Variants in STAT1 observed in about 807,000 individuals in gnomAD.
STAT1 encodes signal transducer and activator of transcription 1.
Under a neutral mutation model 111.7 loss-of-function variants are expected in STAT1, and 24 were observed. The observed-to-expected ratio is 0.21, with a 90% CI of 0.16 to 0.30. STAT1 has a LOEUF of 0.30. Ranked by LOEUF, STAT1 falls within the 10% of genes least tolerant of loss-of-function variation. The pLI, the probability that STAT1 is intolerant of heterozygous loss-of-function variation, is 1.00. For synonymous variants in STAT1, 332 were observed against 326.5 expected (o/e 1.02, Z -0.18); for missense variants, 351 against 911.9 (o/e 0.38, Z 7.92).
In STAT1 at chr2:191,004,896, T is replaced by C. The variant is rs554288765; in HGVS notation, c.372+2667A>G. Among the ~76,000 whole-genome samples, 4 of 152,186 alleles carry C rather than the reference T, an allele frequency of 2.6e-5. No individual in the cohort carries two copies. The South Asian group carries it at 8.3e-4, about 32-fold the overall frequency. On this transcript the variant is annotated intron_variant, in intron 5 of 24. Coordinates refer to ENST00000361099, the MANE Select transcript of STAT1 (RefSeq NM_007315.4). This position sits in a 1 kb window ranked among gnomAD's most constrained non-coding sequence, Gnocchi z 5.0. ...ATTCTCCCCATCCCTTCAGACCCTA[T>C]GGACCTAAATTTTTGTCTAGACATG...
chr2:191,010,186 G>A (rs1695014977), intron 2 of STAT1, among the ~76,000 whole-genome samples, 182 bp from the exon 3 acceptor site: 1 of 152,122 alleles, frequency 6.6e-6, no homozygotes. Context: ...TGAGTTTGGG[G>A]ATGAACTTTT....
At position 191,006,656 on chromosome 2, in the gene STAT1, G is replaced by A. The variant is rs1285239494; in HGVS notation, c.372+907C>T. On this transcript the variant is annotated intron_variant, in intron 5 of 24. Transcript: ENST00000361099. The surrounding 1 kb of genome is among the most constrained non-coding windows in gnomAD (Gnocchi z 4.6). ...CTCCTCCAGAACAATCCATAACATG[G>A]TGGCTTCACACTGCCTGCCTGTTGG... is the stretch of plus-strand genomic sequence containing the variant. Among the ~76,000 whole-genome samples the A allele has an allele frequency of 6.6e-6, 1 of 152,178 alleles. No homozygotes were observed. Among genetic ancestry groups the A allele is most frequent in the Non-Finnish European group, 1.5e-5 (1 of 68,032 alleles).
chr2:191,012,433 GAATA>G lies in STAT1; in HGVS notation c.-2+1088_-2+1091del, dbSNP rs1240106187. Among the ~76,000 whole-genome samples the G allele has an allele frequency of 6.6e-6, 1 of 151,070 alleles. No homozygotes were observed. Among genetic ancestry groups the G allele is most frequent in the East Asian group, 2.0e-4 (1 of 5,078 alleles). ...TCTGTCTCTAAAAAAAAAAAACAATGAATAAATAAGCTCATGTTCACAAATCTGG... is the reference window on the plus strand; with the variant it reads ...TCTGTCTCTAAAAAAAAAAAACAATGAATAAGCTCATGTTCACAAATCTGG... On this transcript the variant is annotated intron_variant, in intron 2 of 24. Coordinates refer to ENST00000361099, the MANE Select transcript of STAT1 (RefSeq NM_007315.4). The surrounding 1 kb of genome is among the most constrained non-coding windows in gnomAD (Gnocchi z 4.0).
In STAT1 at chr2:191,004,560, G is replaced by A. The variant is rs1039245888; in HGVS notation, c.372+3003C>T. On this transcript the variant is annotated intron_variant, in intron 5 of 24. Transcript: ENST00000361099. This position sits in a 1 kb window ranked among gnomAD's most constrained non-coding sequence, Gnocchi z 5.0. ...GAAAAGTGACTTCTCCAGTGAACTA[G>A]TTTTAGAGTTGGACAATACTGGGTT... 6.6e-6 allele frequency among the ~76,000 whole-genome samples: 1 copy of A among 152,288 alleles called. No homozygotes were observed. The highest frequency in any genetic ancestry group is 1.5e-5 in the Non-Finnish European group (1 of 68,026).
At position 191,007,980 on chromosome 2, in the gene STAT1, C is replaced by A; in HGVS notation, c.274-319G>T. On this transcript the variant is annotated intron_variant, in intron 4 of 24. Transcript: ENST00000361099. This position sits in a 1 kb window ranked among gnomAD's most constrained non-coding sequence, Gnocchi z 4.2. ...GGCCAATTATCTTTGGTTAGGATCC[C>A]GAGACAATGCAAATGATATAAAAAC... is the stretch of plus-strand genomic sequence containing the variant. 2.1e-6 allele frequency: 1 copy of A among 476,544 alleles called. No individual in the cohort carries two copies. The highest frequency in any genetic ancestry group is 4.1e-6 in the Non-Finnish European group (1 of 241,996). The allele number at this position is 476,544 out of a possible 1,614,324, so 29.5% of individuals were successfully genotyped here. A position where few individuals can be genotyped will look rare whatever the true frequency, so the allele number is the denominator to read the frequency against.
In STAT1 at chr2:190,997,073, G is replaced by A. The variant is rs994451028; in HGVS notation, c.785+783C>T. Among the ~76,000 whole-genome samples, 5 of 152,146 alleles carry A rather than the reference G, an allele frequency of 3.3e-5. No homozygotes were observed. The highest frequency in any genetic ancestry group is 2.0e-4 in the Admixed American group (3 of 15,278). ...CCATCAGGCTCCAGCATCTCCCACC[G>A]GGTCCACTTTCCTTCCCATCTCCCT... is the stretch of plus-strand genomic sequence containing the variant. On this transcript the variant is annotated intron_variant, in intron 9 of 24. Coordinates refer to ENST00000361099, the MANE Select transcript of STAT1 (RefSeq NM_007315.4). The surrounding 1 kb of genome is among the most constrained non-coding windows in gnomAD (Gnocchi z 7.3).
Position 190,982,522 on chromosome 2 carries a change from G to C in STAT1, c.1447-4C>G, listed in dbSNP as rs1331456437. 6.2e-7 allele frequency: 1 copy of C among 1,614,142 alleles called. No homozygotes were observed. Among genetic ancestry groups the C allele is most frequent in the Admixed American group, 1.7e-5 (1 of 60,018 alleles). ...GAGTCAGGAAGAAGGACAGATTCTAGAGAGAAAACACCCAAAATCTAAGGG... is the reference window on the plus strand; with the variant it reads ...GAGTCAGGAAGAAGGACAGATTCTACAGAGAAAACACCCAAAATCTAAGGG... On this transcript the variant is annotated splice_region_variant and splice_polypyrimidine_tract_variant and intron_variant, in intron 17 of 24. Coordinates refer to ENST00000361099, the MANE Select transcript of STAT1 (RefSeq NM_007315.4). The surrounding 1 kb of genome is among the most constrained non-coding windows in gnomAD (Gnocchi z 7.3).
At position 190,979,396 on chromosome 2, in the gene STAT1, T is replaced by C. The variant is rs938665068; in HGVS notation, c.1727+376A>G. 6.6e-6 allele frequency among the ~76,000 whole-genome samples: 1 copy of C among 152,198 alleles called. No homozygotes were observed. Among genetic ancestry groups the C allele is most frequent in the Non-Finnish European group, 1.5e-5 (1 of 68,024 alleles). On this transcript the variant is annotated intron_variant, in intron 20 of 24. Transcript: ENST00000361099. This position sits in a 1 kb window ranked among gnomAD's most constrained non-coding sequence, Gnocchi z 5.8. ...CCTTCTGATCAAGTTAAAGCTTCTG[T>C]TGAAATATCAGCCGATCCTGGCAAT...
Position 190,976,144 on chromosome 2 carries a change from C to T in STAT1, c.2060-257G>A, listed in dbSNP as rs1311966173. Among the ~76,000 whole-genome samples, 1 of 152,214 alleles carries T rather than the reference C, an allele frequency of 6.6e-6. No individual in the cohort carries two copies. Among genetic ancestry groups the T allele is most frequent in the East Asian group, 1.9e-4 (1 of 5,202 alleles). On this transcript the variant is annotated intron_variant, in intron 22 of 24. Transcript: ENST00000361099. This position sits in a 1 kb window ranked among gnomAD's most constrained non-coding sequence, Gnocchi z 6.0. ...ACACTAGCTAGGAGCTTTCTCTTTA[C>T]ACAACTTGAAATCTTACAAGAAGTC... is the stretch of plus-strand genomic sequence containing the variant.
At position 190,981,286 on chromosome 2, in the gene STAT1, T is replaced by C. The variant is rs1470914923; in HGVS notation, c.1583-617A>G. Among the ~76,000 whole-genome samples, 1 of 152,234 alleles carries C rather than the reference T, an allele frequency of 6.6e-6. No individual in the cohort carries two copies. The highest frequency in any genetic ancestry group is 2.4e-5 in the African/African-American group (1 of 41,462). ...ACCCCTAGATCTTCAATGTAACTGA[T>C]ACTTGACTTTACAAGTTTATTTTAG... is the stretch of plus-strand genomic sequence containing the variant. On this transcript the variant is annotated intron_variant, in intron 18 of 24. Transcript: ENST00000361099. This position sits in a 1 kb window ranked among gnomAD's most constrained non-coding sequence, Gnocchi z 4.1.
Position 190,987,039 on chromosome 2 carries a change from C to T in STAT1, c.1127G>A (p.Gly376Glu). The T allele has an allele frequency of 6.2e-7, 1 of 1,610,370 alleles. No homozygotes were observed. Among genetic ancestry groups the T allele is most frequent in the Non-Finnish European group, 8.5e-7 (1 of 1,177,302 alleles). The change falls in exon 13 of 25, where the codon GGA (glycine) becomes GAA (glutamate). Residue 376 changes from glycine to glutamate, a missense_variant and splice_region_variant. By Grantham distance (98) the Gly-to-Glu change is moderately conservative. Coordinates refer to ENST00000361099, the MANE Select transcript of STAT1 (RefSeq NM_007315.4). This position sits in a 1 kb window ranked among gnomAD's most constrained non-coding sequence, Gnocchi z 4.0. ...GTATAGCGTAAAGTACGTCACGTAC[C>T]CTTTTACTGTATTTCTCTCATTCAC... ...KDVNERNTVK[G>E]FRKFNILGTH...
At chr2:191,008,800 TTATGC>T (rs1464855038) in intron 4 of STAT1, among the ~76,000 whole-genome samples, 158 bp downstream of exon 4, 1 of 152,250 alleles carries the variant, frequency 6.6e-6, no homozygotes, top group Non-Finnish European at 1.5e-5. Flanking sequence ...CTTATTTTAC[TTATGC>T]TATATTTACT....
At chr2:191,008,017 T>C (rs552795295) in intron 4 of STAT1, 1 of 461,042 alleles carries the variant, frequency 2.2e-6, no homozygotes, top group South Asian at 1.6e-5. Flanking sequence ...ATACATGACA[T>C]TCCTCAATGA....
Position 191,007,300 on chromosome 2 carries a change from G to C in STAT1, c.372+263C>G, listed in dbSNP as rs1694780863. ...CACTCCCAGCCACTCCATGAATTCA[G>C]CATGTTATCTTCTCAGCACTTTATG... On this transcript the variant is annotated intron_variant, in intron 5 of 24. Transcript: ENST00000361099. The surrounding 1 kb of genome is among the most constrained non-coding windows in gnomAD (Gnocchi z 4.2). Among the ~76,000 whole-genome samples the C allele has an allele frequency of 6.6e-6, 1 of 152,116 alleles. No individual in the cohort carries two copies. Among genetic ancestry groups the C allele is most frequent in the Admixed American group, 6.5e-5 (1 of 15,276 alleles).
chr2:190,970,589 C>T lies in STAT1; in HGVS notation c.*114G>A. On this transcript the variant is annotated 3_prime_UTR_variant, in exon 25 of 25. Coordinates refer to ENST00000361099, the MANE Select transcript of STAT1 (RefSeq NM_007315.4). This position sits in a 1 kb window ranked among gnomAD's most constrained non-coding sequence, Gnocchi z 5.4. Reference sequence around the variant, plus strand: ...CTATCAACAGGTTGCAGCGAATTTGCTGGCCTTTCTTTCATTTCCCTAGAA... The same window carrying T: ...CTATCAACAGGTTGCAGCGAATTTGTTGGCCTTTCTTTCATTTCCCTAGAA... 1 of 1,239,852 alleles carries T rather than the reference C, an allele frequency of 8.1e-7. No individual in the cohort carries two copies. The allele number at this position is 1,239,852 out of a possible 1,614,324, so 76.8% of individuals were successfully genotyped here. A position where few individuals can be genotyped will look rare whatever the true frequency, so the allele number is the denominator to read the frequency against.
Position 190,983,719 on chromosome 2 carries a change from C to T in STAT1, c.1369G>A (p.Val457Met). Reference sequence around the variant, plus strand: ...GGGAGCTGGCTGACGTTGGAGATCACCACAACGGGCAGAGAGGTCGTCTAA... The same window carrying T: ...GGGAGCTGGCTGACGTTGGAGATCATCACAACGGGCAGAGAGGTCGTCTAA... The part of the protein sequence containing the change: ...DLETTSLPVV[V>M]ISNVSQLPSG... The change falls in exon 17 of 25, where the codon GTG becomes ATG. Residue 457 changes from valine to methionine, a missense_variant. Transcript: ENST00000361099. The surrounding 1 kb of genome is among the most constrained non-coding windows in gnomAD (Gnocchi z 5.7). 1 of 1,614,090 alleles carries T rather than the reference C, an allele frequency of 6.2e-7. No homozygotes were observed. The highest frequency in any genetic ancestry group is 8.5e-7 in the Non-Finnish European group (1 of 1,179,996).
intron 3 of STAT1, among the ~76,000 whole-genome samples, chr2:191,009,380 G>A (rs2125101964): frequency 6.6e-6 from 1 of 152,196 alleles, no homozygotes; most frequent in Admixed American, 6.5e-5. Context: ...GTCAACAGGG[G>A]ACCCTTCACT....
At chr2:191,001,195 G>T in intron 5 of STAT1, 32 bp from the exon 6 acceptor site, 1 of 1,558,452 alleles carries the variant, frequency 6.4e-7, no homozygotes, top group Non-Finnish European at 8.9e-7. Context: ...TATAGCCATC[G>T]TTTTCTTCAG....
Position 190,986,144 on chromosome 2 carries a change from T to C in STAT1, c.1222-484A>G, listed in dbSNP as rs950373073. ...CTCTGAATACCCTCAGGCACCTGAG[T>C]TGGGCTAAGCTTTCGAGTTAGGTAG... On this transcript the variant is annotated intron_variant, in intron 14 of 24. Coordinates refer to ENST00000361099, the MANE Select transcript of STAT1 (RefSeq NM_007315.4). The surrounding 1 kb of genome is among the most constrained non-coding windows in gnomAD (Gnocchi z 5.0). Among the ~76,000 whole-genome samples, 11 of 152,050 alleles carry C rather than the reference T, an allele frequency of 7.2e-5. No homozygotes were observed. Among genetic ancestry groups the C allele is most frequent in the African/African-American group, 2.7e-4 (11 of 41,402 alleles).
Sources: allele counts gnomAD v4.1 joint callset (sites outside exome capture counted in the v4.1 genomes callset), GRCh38; gene constraint gnomAD v4.1.1; non-coding constraint Gnocchi (gnomAD v3.1); transcripts MANE v1.5; gene names NCBI Gene and HGNC (gene_info 2026-07-23, HGNC 2026-07-21).